The following SH2D4A variants were observed in gnomAD, a reference collection of about 807,000 sequenced individuals.
The protein encoded by SH2D4A is SH2 domain-containing protein 4A.
SH2D4A carries 70 observed loss-of-function variants against 64.7 expected under a neutral mutation model. That is an observed-to-expected ratio of 1.08 (90% CI 0.89 to 1.32). The LOEUF is 1.32. Among genes scored for constraint, SH2D4A ranks in the 40% most tolerant of loss-of-function variants. SH2D4A has a pLI of 0.00. For missense variants in SH2D4A, 706 were observed against 540.1 expected, an observed-to-expected ratio of 1.31 and a Z score of -3.04; for synonymous variants, 268 against 200.7, an observed-to-expected ratio of 1.34 and a Z score of -2.83.
intron 7 of SH2D4A, among the ~76,000 whole-genome samples, chr8:19,372,068 C>T (rs2053110283): frequency 6.6e-6 from 1 of 152,126 alleles, no homozygotes; most frequent in African/African-American, 2.4e-5. Context: ...GTCATATTGT[C>T]CTGAGTCTTC....
At chr8:19,337,932 G>T (rs1388108617) in intron 4 of SH2D4A, among the ~76,000 whole-genome samples, 2 of 152,152 alleles carry the variant, frequency 1.3e-5, no homozygotes, top group Admixed American at 1.3e-4. Flanking sequence ...GAAGAAGGCC[G>T]AGTGAAGAAA....
chr8:19,336,048 C>G (rs1475179943), intron 4 of SH2D4A, among the ~76,000 whole-genome samples: 1 of 152,156 alleles, frequency 6.6e-6, no homozygotes, highest in Non-Finnish European at 1.5e-5. Flanking sequence ...TAGTGAGACT[C>G]TGATAACTAA....
At chr8:19,362,624 C>G (rs373381715) in intron 6 of SH2D4A, among the ~76,000 whole-genome samples, 1 of 152,000 alleles carries the variant, frequency 6.6e-6, no homozygotes, top group Non-Finnish European at 1.5e-5. Context: ...CCTGTAGTCC[C>G]AGCTACTCAG....
intron 7 of SH2D4A, among the ~76,000 whole-genome samples, chr8:19,367,836 G>A (rs776121296): frequency 6.6e-6 from 1 of 152,142 alleles, no homozygotes; most frequent in Non-Finnish European, 1.5e-5. Flanking sequence ...AGCACTTTGG[G>A]AGGCTGGGGT....
At chr8:19,335,274 C>T (rs750386700) in intron 4 of SH2D4A, among the ~76,000 whole-genome samples, 4 of 151,506 alleles carry the variant, frequency 2.6e-5, no homozygotes, top group East Asian at 1.9e-4. Flanking sequence ...CCAGCCTGGG[C>T]GACAGAGCGA....
rs774700013 is a variant in SH2D4A at position 19,394,733 on chromosome 8, C to A, written c.*91C>A. On this transcript the variant is annotated 3_prime_UTR_variant, in exon 10 of 10. Transcript: ENST00000265807. Reference sequence around the variant, plus strand: ...CATTTATGTGTGAAGCCAAAATCACCCTGCAGCAGAGCCAATACTGATCAA... The same window carrying A: ...CATTTATGTGTGAAGCCAAAATCACACTGCAGCAGAGCCAATACTGATCAA... The A allele has an allele frequency of 1.1e-6, 1 of 924,238 alleles. No homozygotes were observed. Among genetic ancestry groups the A allele is most frequent in the East Asian group, 2.7e-5 (1 of 36,886 alleles). 57.3% of individuals were successfully genotyped at this position (924,238 alleles called of 1,614,324 possible). A position where few individuals can be genotyped will look rare whatever the true frequency, so the allele number is the denominator to read the frequency against.
At chr8:19,385,213 G>GTTTTT in intron 8 of SH2D4A, among the ~76,000 whole-genome samples, 1 of 140,492 alleles carries the variant, frequency 7.1e-6, no homozygotes, top group African/African-American at 2.6e-5. Context: ...CTGTTTTTTT[G>GTTTTT]TTTTTTTTTT....
At chr8:19,363,390 A>G (rs1419633300) in intron 6 of SH2D4A, among the ~76,000 whole-genome samples, 2 of 152,058 alleles carry the variant, frequency 1.3e-5, no homozygotes, top group African/African-American at 4.8e-5. Context: ...TGTTGGGGGT[A>G]TTTAGACACA....
intron 8 of SH2D4A, among the ~76,000 whole-genome samples, chr8:19,390,570 T>G (rs1344061584): frequency 1.3e-5 from 2 of 152,170 alleles, no homozygotes; most frequent in Non-Finnish European, 2.9e-5. Context: ...ACCTGTGTAT[T>G]TAGCTGCACC....
intron 6 of SH2D4A, 155 bp downstream of exon 6, chr8:19,361,469 A>C (rs147961336): frequency 5.5e-6 from 4 of 727,328 alleles, no homozygotes; most frequent in Non-Finnish European, 8.1e-6. Flanking sequence ...TTATTACTCA[A>C]ATGCTTACAG....
rs1399231223 is a variant in SH2D4A at position 19,361,306 on chromosome 8, A to T, written c.698A>T (p.Gln233Leu). ...AGCTGGAAAGAAGACTCGGAATGGC[A>T]GGCATCTCGTGAGTACCCAGAGGTC... ...CKSWKEDSEW[Q>L]ASLRKSKAAD... Residue 233 changes from glutamine to leucine, a missense_variant, in exon 6 of 10, where the codon CAG becomes CTG. Physicochemically the swap from Gln to Leu is moderately radical, Grantham distance 113. Coordinates refer to ENST00000265807, the MANE Select transcript of SH2D4A (RefSeq NM_022071.4). The T allele has an allele frequency of 1.2e-6, 2 of 1,610,884 alleles. No homozygotes were observed. The highest frequency in any genetic ancestry group is 1.3e-5 in the African/African-American group (1 of 74,756).
intron 8 of SH2D4A, among the ~76,000 whole-genome samples, chr8:19,390,078 G>A (rs1283508123): frequency 6.6e-6 from 1 of 152,154 alleles, no homozygotes; most frequent in African/African-American, 2.4e-5. Flanking sequence ...AGTACCGTTA[G>A]GTTGACTGAG....
At chr8:19,326,993 C>G (rs1356672127) in intron 2 of SH2D4A, among the ~76,000 whole-genome samples, 1 of 152,218 alleles carries the variant, frequency 6.6e-6, no homozygotes, top group Non-Finnish European at 1.5e-5. Flanking sequence ...GCCCGGCCAT[C>G]TCCTTGCCAG....
chr8:19,354,232 C>A (rs1391245072), intron 4 of SH2D4A, among the ~76,000 whole-genome samples: 1 of 151,920 alleles, frequency 6.6e-6, no homozygotes, highest in Non-Finnish European at 1.5e-5. Context: ...AACTCCTGAC[C>A]TCAGGTGATC....
intron 8 of SH2D4A, among the ~76,000 whole-genome samples, chr8:19,385,609 G>A (rs1205935126): frequency 6.6e-6 from 1 of 152,148 alleles, no homozygotes; most frequent in African/African-American, 2.4e-5. Context: ...GTTCCCTAGA[G>A]ATGGTTTTAA....
chr8:19,327,701 C>T (rs1438769777), intron 2 of SH2D4A, among the ~76,000 whole-genome samples: 4 of 152,194 alleles, frequency 2.6e-5, no homozygotes, highest in Non-Finnish European at 4.4e-5. Context: ...TTGAAGTACT[C>T]TTTCTGTCCC....
At chr8:19,343,400 T>C (rs2052558727) in intron 4 of SH2D4A, among the ~76,000 whole-genome samples, 1 of 152,112 alleles carries the variant, frequency 6.6e-6, no homozygotes, top group Non-Finnish European at 1.5e-5. Flanking sequence ...ACCATTGCAC[T>C]CTAGGCTTGG....
intron 4 of SH2D4A, among the ~76,000 whole-genome samples, chr8:19,355,912 T>C (rs2052784414): frequency 6.6e-6 from 1 of 152,214 alleles, no homozygotes; most frequent in Admixed American, 6.5e-5. Context: ...TTGAAGGAAA[T>C]AGTCCCCAAA....
chr8:19,333,690 C>A (rs114952804), intron 3 of SH2D4A, among the ~76,000 whole-genome samples: 2 of 152,096 alleles, frequency 1.3e-5, no homozygotes, highest in Non-Finnish European at 2.9e-5. Flanking sequence ...CAGCTCACTG[C>A]GGCCAGTGCA....
Sources: gnomAD v4.1 joint callset for allele counts (sites outside exome capture counted in the v4.1 genomes callset) on GRCh38, gnomAD v4.1.1 for gene constraint, MANE v1.5 for transcripts, NCBI Gene and HGNC (gene_info 2026-07-23, HGNC 2026-07-21) for gene names.